The following FGF7 variants were observed in gnomAD, a reference collection of about 807,000 sequenced individuals.
FGF7 encodes the protein fibroblast growth factor 7.
Under a neutral mutation model 20.5 loss-of-function variants are expected in FGF7, and 6 were observed. That is an observed-to-expected ratio of 0.29 (90% CI 0.16 to 0.58). The LOEUF is 0.58. Ranked by LOEUF, FGF7 falls within the 20% of genes least tolerant of loss-of-function variation. FGF7 has a pLI of 0.90. For synonymous variants in FGF7, 64 were observed against 74.7 expected (o/e 0.86, Z 0.74); for missense variants, 144 against 228.8 (o/e 0.63, Z 2.39).
At chr15:49,477,808 T>G (rs1227082514) in intron 2 of FGF7, among the ~76,000 whole-genome samples, 1 of 152,242 alleles carries the variant, frequency 6.6e-6, no homozygotes, top group Non-Finnish European at 1.5e-5. Context: ...TGAAAGAGTT[T>G]TGGTTGCTTT....
chr15:49,481,200 G>A (rs1412587464), intron 2 of FGF7, among the ~76,000 whole-genome samples: 1 of 152,264 alleles, frequency 6.6e-6, no homozygotes, highest in South Asian at 2.1e-4. Flanking sequence ...TTAAATATTA[G>A]GTTGGTGCAA....
intron 2 of FGF7, among the ~76,000 whole-genome samples, chr15:49,471,913 T>C (rs1237491972): frequency 2.0e-5 from 3 of 151,992 alleles, no homozygotes; most frequent in Non-Finnish European, 2.9e-5. Context: ...CGGAAGAAAC[T>C]TGGAATCCCT....
chr15:49,426,505 T>C (rs2050144544), intron 2 of FGF7, among the ~76,000 whole-genome samples: 1 of 151,944 alleles, frequency 6.6e-6, no homozygotes, highest in Admixed American at 6.6e-5. Context: ...TGCATAATTA[T>C]TTAGGATCAA....
intron 2 of FGF7, among the ~76,000 whole-genome samples, chr15:49,448,369 T>A (rs530300354): frequency 6.6e-6 from 1 of 151,776 alleles, no homozygotes; most frequent in East Asian, 1.9e-4. Flanking sequence ...CTCTTTTAAT[T>A]CCTTTTCTCC....
intron 2 of FGF7, among the ~76,000 whole-genome samples, chr15:49,469,686 G>T (rs988290022): frequency 6.6e-6 from 1 of 152,036 alleles, no homozygotes; most frequent in Admixed American, 6.6e-5. Context: ...AACTTCATTT[G>T]CAAGAACTAA....
At chr15:49,463,540 G>T (rs994603560) in intron 2 of FGF7, among the ~76,000 whole-genome samples, 1 of 131,436 alleles carries the variant, frequency 7.6e-6, no homozygotes. Context: ...GACACAGTGA[G>T]ATTCCGTCTC....
rs904691150 is a variant in FGF7, at chr15:49,484,661, G to A, written c.*157G>A. The A allele has an allele frequency of 4.4e-5, 20 of 454,388 alleles. No individual in the cohort carries two copies. Among genetic ancestry groups the A allele is most frequent in the African/African-American group, 3.9e-4 (19 of 48,936 alleles). 28.1% of individuals were successfully genotyped at this position (454,388 alleles called of 1,614,324 possible). On this transcript the variant is annotated 3_prime_UTR_variant, in exon 4 of 4. Transcript: ENST00000267843. ...GATCAAGCTGGACTTGTGCATTTAT[G>A]TTTGTTTTAAGACACTGCATTAAAG...
At chr15:49,454,766 T>C (rs1253772702) in intron 2 of FGF7, among the ~76,000 whole-genome samples, 1 of 152,092 alleles carries the variant, frequency 6.6e-6, no homozygotes, top group African/African-American at 2.4e-5. Flanking sequence ...CGTGCCACCA[T>C]GCCCCACTAA....
intron 2 of FGF7, among the ~76,000 whole-genome samples, chr15:49,455,366 A>G (rs758658384): frequency 1.3e-5 from 2 of 152,224 alleles, no homozygotes; most frequent in Non-Finnish European, 2.9e-5. Context: ...TTTTAAGAAT[A>G]TCTACTTCAT....
rs2049847346 is a variant in FGF7, at chr15:49,423,275, C to G, written c.-432C>G. On this transcript the variant is annotated 5_prime_UTR_variant, in exon 1 of 4. Coordinates refer to ENST00000267843, the MANE Select transcript of FGF7 (RefSeq NM_002009.4). ...ACACAAGCACACACGCGCTCACACA[C>G]AGAGAGAAAATCCTTCTGCCTGTTG... 2 of 152,128 alleles carry G rather than the reference C, an allele frequency of 1.3e-5. No homozygotes were observed. The highest frequency in any genetic ancestry group is 2.9e-5 in the Non-Finnish European group (2 of 68,056). 9.4% of individuals were successfully genotyped at this position (152,128 alleles called of 1,614,324 possible).
At chr15:49,477,605 G>A (rs749850884) in intron 2 of FGF7, among the ~76,000 whole-genome samples, 2 of 152,188 alleles carry the variant, frequency 1.3e-5, no homozygotes, top group African/African-American at 2.4e-5. Flanking sequence ...GTTGCGTCTG[G>A]TTTTTGATGA....
chr15:49,437,848 A>C (rs2051252085), intron 2 of FGF7, among the ~76,000 whole-genome samples: 1 of 151,662 alleles, frequency 6.6e-6, no homozygotes, highest in South Asian at 2.1e-4. Flanking sequence ...AAGTACTGTG[A>C]AAAAGGTATG....
intron 2 of FGF7, among the ~76,000 whole-genome samples, chr15:49,465,148 G>T (rs2054147989): frequency 6.6e-6 from 1 of 151,832 alleles, no homozygotes; most frequent in African/African-American, 2.4e-5. Flanking sequence ...TTTATTTTTT[G>T]AGATGGAGTC....
chr15:49,450,527 A>C (rs982208802), intron 2 of FGF7, among the ~76,000 whole-genome samples: 7 of 152,116 alleles, frequency 4.6e-5, no homozygotes, highest in African/African-American at 1.7e-4. Context: ...TCAATGTGTA[A>C]ACTTTCTCAG....
At chr15:49,483,679 G>A (rs536607569) in intron 3 of FGF7, among the ~76,000 whole-genome samples, 23 of 152,088 alleles carry the variant, frequency 1.5e-4, no homozygotes, top group Non-Finnish European at 2.4e-4. Flanking sequence ...TCACAATCAT[G>A]GGCATTGAAA....
At chr15:49,474,849 G>T (rs1395730845) in intron 2 of FGF7, among the ~76,000 whole-genome samples, 1 of 152,096 alleles carries the variant, frequency 6.6e-6, no homozygotes, top group East Asian at 1.9e-4. Flanking sequence ...AATGCCTGAC[G>T]ATTTGAAGTG....
intron 2 of FGF7, among the ~76,000 whole-genome samples, chr15:49,452,371 G>A (rs1004103510): frequency 6.6e-6 from 1 of 151,986 alleles, no homozygotes; most frequent in Non-Finnish European, 1.5e-5. Context: ...AATTTTAAAT[G>A]CCAGTTACCT....
At chr15:49,433,053 A>G (rs1326887024) in intron 2 of FGF7, among the ~76,000 whole-genome samples, 2 of 151,504 alleles carry the variant, frequency 1.3e-5, no homozygotes, top group East Asian at 1.9e-4. Flanking sequence ...AATTATTTCA[A>G]TAAAGAAATG....
At chr15:49,439,498 A>G (rs904228149) in intron 2 of FGF7, among the ~76,000 whole-genome samples, 21 of 151,774 alleles carry the variant, frequency 1.4e-4, no homozygotes, top group African/African-American at 3.6e-4. Flanking sequence ...GGGCCAAACC[A>G]CGGACTAACT....
Sources: allele counts gnomAD v4.1 joint callset (sites outside exome capture counted in the v4.1 genomes callset), GRCh38; gene constraint gnomAD v4.1.1; transcripts MANE v1.5; gene names NCBI Gene and HGNC (gene_info 2026-07-23, HGNC 2026-07-21).